The following GALNT13 variants were observed in gnomAD, a reference collection of about 807,000 sequenced individuals.
GALNT13 encodes the protein polypeptide N-acetylgalactosaminyltransferase 13.
GALNT13 carries 28 observed loss-of-function variants against 64.2 expected under a neutral mutation model. The observed-to-expected ratio is 0.44, with a 90% CI of 0.32 to 0.60. The LOEUF is 0.60. Ranked by LOEUF, GALNT13 falls within the 20% of genes least tolerant of loss-of-function variation. GALNT13 has a pLI of 0.05. For missense variants in GALNT13, 577 were observed against 669.8 expected (o/e 0.86, Z 1.53); for synonymous variants, 214 against 224.6 (o/e 0.95, Z 0.42).
chr2:154,052,737 T>C (rs1253734373), intron 3 of GALNT13, among the ~76,000 whole-genome samples: 7 of 148,734 alleles, frequency 4.7e-5, no homozygotes, highest in South Asian at 4.2e-4. Context: ...GAATTGACTT[T>C]TTTTTTTTTT....
At chr2:153,559,408 T>C in the GALNT13 span, among the ~76,000 whole-genome samples, 1 of 152,174 alleles carries the variant, frequency 6.6e-6, no homozygotes, top group Non-Finnish European at 1.5e-5. Flanking sequence ...CGAATGTCAG[T>C]ACCCTGGCTT....
the GALNT13 span, among the ~76,000 whole-genome samples, chr2:153,433,214 G>C: frequency 6.6e-6 from 1 of 152,134 alleles, no homozygotes; most frequent in Non-Finnish European, 1.5e-5. Flanking sequence ...AGGAGAACTT[G>C]AAACAGGATT....
chr2:153,851,022 A>T, the GALNT13 span, among the ~76,000 whole-genome samples: 51 of 152,278 alleles, frequency 3.3e-4, no homozygotes, highest in African/African-American at 1.2e-3. Context: ...AAATAATGAA[A>T]GATTGACCAA....
At chr2:153,890,576 T>G (rs1417784972) in intron 1 of GALNT13, among the ~76,000 whole-genome samples, 1 of 152,106 alleles carries the variant, frequency 6.6e-6, no homozygotes, top group East Asian at 1.9e-4. Context: ...AGAAATGGTA[T>G]GAGTTCCTGC....
At chr2:153,927,903 G>T (rs1190591301) in intron 2 of GALNT13, among the ~76,000 whole-genome samples, 1 of 152,018 alleles carries the variant, frequency 6.6e-6, no homozygotes, top group Non-Finnish European at 1.5e-5. Context: ...AGAAAAGAGT[G>T]CATTTATTCC....
At chr2:154,437,852 TAAAAAAA>T in intron 11 of GALNT13, 7 of 116,570 alleles carry the variant, frequency 6.0e-5, no homozygotes, top group South Asian at 4.0e-4. Context: ...AGACTCCATC[TAAAAAAA>T]AAAAAAAAAA....
intron 8 of GALNT13, among the ~76,000 whole-genome samples, chr2:154,284,670 C>T (rs983247193): frequency 6.6e-5 from 10 of 152,060 alleles, no homozygotes; most frequent in African/African-American, 2.4e-4. Context: ...GCAGATATCT[C>T]CTTCATATAT....
At position 154,317,523 on chromosome 2, in the gene GALNT13, A is replaced by G. The variant is rs1694389253; in HGVS notation, c.1156+15934A>G. On this transcript the variant is annotated intron_variant, in intron 9 of 12. Transcript: ENST00000392825. ...AACTCTAAAATTCTACCATCATAGA[A>G]ACTTATATATCAATGAATAAAATCA... 2.0e-5 allele frequency among the ~76,000 whole-genome samples: 3 copies of G among 152,316 alleles called. No homozygotes were observed. The South Asian group carries it at 6.2e-4, about 32-fold the overall frequency.
chr2:153,740,453 A>G, the GALNT13 span, among the ~76,000 whole-genome samples: 1 of 152,082 alleles, frequency 6.6e-6, no homozygotes, highest in African/African-American at 2.4e-5. Context: ...GAAAATTCTT[A>G]CTTTTTCATT....
chr2:153,283,190 C>T, the GALNT13 span, among the ~76,000 whole-genome samples: 18 of 152,190 alleles, frequency 1.2e-4, no homozygotes, highest in Admixed American at 5.9e-4. Flanking sequence ...TCTACAGTTT[C>T]CCTGATGGCG....
the GALNT13 span, among the ~76,000 whole-genome samples, chr2:153,850,372 C>G: frequency 1.3e-5 from 2 of 152,058 alleles, no homozygotes; most frequent in African/African-American, 4.8e-5. Flanking sequence ...CTGATTTGTT[C>G]CTGCCTATTG....
intron 4 of GALNT13, among the ~76,000 whole-genome samples, chr2:154,153,838 C>T (rs1486791462): frequency 6.6e-6 from 1 of 152,202 alleles, no homozygotes; most frequent in African/African-American, 2.4e-5. Flanking sequence ...ATCTGTCACC[C>T]CTTTCTTTGA....
intron 1 of GALNT13, among the ~76,000 whole-genome samples, chr2:153,872,802 G>C (rs1686071925): frequency 6.6e-6 from 1 of 152,094 alleles, no homozygotes; most frequent in African/African-American, 2.4e-5. Context: ...TGTCTTCCTC[G>C]ACGGTTGCCT....
At chr2:153,587,524 G>T in the GALNT13 span, among the ~76,000 whole-genome samples, 7 of 152,172 alleles carry the variant, frequency 4.6e-5, no homozygotes, top group Admixed American at 2.0e-4. Context: ...GGCAAAGAGA[G>T]AGAACTTGTG....
At chr2:153,629,374 C>A in the GALNT13 span, among the ~76,000 whole-genome samples, 19 of 151,778 alleles carry the variant, frequency 1.3e-4, no homozygotes, top group African/African-American at 4.4e-4. Context: ...CTTTGACAAA[C>A]CTGAGAAAAA....
chr2:154,337,967 G>C (rs1321713236), intron 9 of GALNT13, among the ~76,000 whole-genome samples: 1 of 152,038 alleles, frequency 6.6e-6, no homozygotes, highest in Non-Finnish European at 1.5e-5. Flanking sequence ...CTTGCAGCAA[G>C]TTATCTCAGT....
chr2:153,213,706 G>GT, the GALNT13 span, among the ~76,000 whole-genome samples: 2 of 151,950 alleles, frequency 1.3e-5, no homozygotes, highest in African/African-American at 4.8e-5. Flanking sequence ...ATTTCAGTCA[G>GT]TTTTTTTTAG....
chr2:153,674,580 C>G, the GALNT13 span, among the ~76,000 whole-genome samples: 37 of 152,188 alleles, frequency 2.4e-4, no homozygotes, highest in African/African-American at 8.7e-4. Context: ...AATGTAAGAC[C>G]TCAAACCTTA....
At chr2:153,744,016 A>C in the GALNT13 span, among the ~76,000 whole-genome samples, 29 of 152,072 alleles carry the variant, frequency 1.9e-4, no homozygotes, top group Non-Finnish European at 1.5e-5. Context: ...ATTCATTTTT[A>C]TGGCTGAAGA....
Sources: gnomAD v4.1 joint callset for allele counts (sites outside exome capture counted in the v4.1 genomes callset) on GRCh38, gnomAD v4.1.1 for gene constraint, MANE v1.5 for transcripts, NCBI Gene and HGNC (gene_info 2026-07-23, HGNC 2026-07-21) for gene names.